The following ZFHX3 variants were observed in gnomAD, a reference collection of about 807,000 sequenced individuals.
The protein encoded by ZFHX3 is zinc finger homeobox protein 3.
A neutral mutation model predicts 279.1 loss-of-function variants in ZFHX3; 42 were observed. That is an observed-to-expected ratio of 0.15 (90% CI 0.12 to 0.19). ZFHX3 has a LOEUF of 0.19. ZFHX3 is among the 10% of genes least tolerant of loss of function. ZFHX3 has a pLI of 1.00. For missense variants in ZFHX3, 4,981 were observed against 4,754.0 expected (o/e 1.05, Z -1.40); for synonymous variants, 2,293 against 1,957.8 (o/e 1.17, Z -4.52).
At chr16:73,823,359 A>G (rs1488354449) in intron 1 of ZFHX3, among the ~76,000 whole-genome samples, 2 of 152,104 alleles carry the variant, frequency 1.3e-5, no homozygotes, top group East Asian at 1.9e-4. Flanking sequence ...TAGAGACACA[A>G]TGCAATCCCT....
At chr16:73,806,601 G>C (rs530249817) in intron 1 of ZFHX3, among the ~76,000 whole-genome samples, 1 of 152,128 alleles carries the variant, frequency 6.6e-6, no homozygotes, top group South Asian at 2.1e-4. Flanking sequence ...CTGGTTGGTG[G>C]GGGGGGTCAA....
At chr16:73,429,160 A>G (rs2017865633) in intron 3 of ZFHX3, among the ~76,000 whole-genome samples, 1 of 152,024 alleles carries the variant, frequency 6.6e-6, no homozygotes, top group African/African-American at 2.4e-5. Context: ...CAACTCTCCC[A>G]ATCACCCTAC....
chr16:73,770,380 A>G (rs918181564), intron 1 of ZFHX3, among the ~76,000 whole-genome samples: 4 of 152,236 alleles, frequency 2.6e-5, no homozygotes, highest in African/African-American at 9.6e-5. Context: ...TTCACCCACG[A>G]AGACCCATTT....
At chr16:73,734,285 A>G (rs74028445) in intron 1 of ZFHX3, among the ~76,000 whole-genome samples, 3,434 of 152,298 alleles carry the variant, frequency 0.023, 173 homozygotes, top group African/African-American at 0.078. Flanking sequence ...AATATCTCAA[A>G]TTGCCAAAGA....
intron 2 of ZFHX3, among the ~76,000 whole-genome samples, chr16:73,603,943 T>G (rs979669032): frequency 6.6e-6 from 1 of 151,844 alleles, no homozygotes; most frequent in African/African-American, 2.4e-5. Flanking sequence ...CATGCCCAGC[T>G]AATTTTTGTA....
intron 1 of ZFHX3, among the ~76,000 whole-genome samples, chr16:72,995,527 AC>A (rs1173720172): frequency 6.6e-6 from 1 of 152,192 alleles, no homozygotes; most frequent in Non-Finnish European, 1.5e-5. Context: ...GATCACAACT[AC>A]AACTACAGCG....
chr16:73,151,033 A>T (rs1332923450), intron 5 of ZFHX3, among the ~76,000 whole-genome samples: 1 of 152,220 alleles, frequency 6.6e-6, no homozygotes, highest in East Asian at 1.9e-4. Context: ...GAATGCTACC[A>T]TGTAGAAGAA....
chr16:73,868,898 A>T lies in ZFHX3; in HGVS notation c.-1608+22753T>A, dbSNP rs141588326. On this transcript the variant is annotated intron_variant, in intron 1 of 17. Transcript: ENST00000641206. ...TCTAAAGGCTTTAAAGCAGCTATTGACCTGCTTTTAAAATAGCATTTTCAT... is the reference window on the plus strand; with the variant it reads ...TCTAAAGGCTTTAAAGCAGCTATTGTCCTGCTTTTAAAATAGCATTTTCAT... Among the ~76,000 whole-genome samples the T allele has an allele frequency of 9.3e-4, 142 of 152,244 alleles. 1 individual carries two copies. The highest frequency in any genetic ancestry group is 3.2e-3 in the African/African-American group (133 of 41,550).
chr16:73,805,931 G>C (rs762770856), intron 1 of ZFHX3, among the ~76,000 whole-genome samples: 1 of 152,186 alleles, frequency 6.6e-6, no homozygotes, highest in South Asian at 2.1e-4. Context: ...TCCATTCTCA[G>C]GCTGCTAATA....
intron 5 of ZFHX3, among the ~76,000 whole-genome samples, chr16:72,828,563 G>A (rs1254677003): frequency 6.6e-6 from 1 of 152,154 alleles, no homozygotes; most frequent in African/African-American, 2.4e-5. Context: ...TCTCCCCTTT[G>A]GGTGGATTTC....
chr16:72,812,177 G>A (rs1036057431), intron 5 of ZFHX3, 139 bp from the exon 6 acceptor site: 52 of 1,221,462 alleles, frequency 4.3e-5, no homozygotes, highest in East Asian at 7.8e-5. Context: ...ATGAACATCC[G>A]GACTGATTTA....
intron 1 of ZFHX3, among the ~76,000 whole-genome samples, chr16:73,789,903 T>C (rs988245889): frequency 4.6e-5 from 7 of 152,178 alleles, no homozygotes; most frequent in African/African-American, 1.7e-4. Flanking sequence ...ACAAGGCCTT[T>C]TTCTCCTACT....
intron 2 of ZFHX3, among the ~76,000 whole-genome samples, chr16:73,523,759 G>A (rs571354947): frequency 4.0e-5 from 6 of 151,242 alleles, no homozygotes; most frequent in South Asian, 2.1e-4. Context: ...CATCTACCTC[G>A]TTCCTGTTCT....
chr16:73,398,856 G>GTT (rs4011545), intron 3 of ZFHX3, among the ~76,000 whole-genome samples: 105,240 of 151,142 alleles, frequency 0.7, 36,829 homozygotes, highest in Non-Finnish European at 0.74. Context: ...AGTGGCAGTG[G>GTT]TTTTTTTTGT....
chr16:73,325,928 A>AAACACACACACACAC (rs368062772), intron 3 of ZFHX3, among the ~76,000 whole-genome samples: 34 of 145,568 alleles, frequency 2.3e-4, no homozygotes, highest in Non-Finnish European at 4.2e-4. Context: ...CACACACACA[A>AAACACACACACACAC]ACACACACAC....
chr16:73,537,112 G>C (rs1240678223), intron 2 of ZFHX3, among the ~76,000 whole-genome samples: 1 of 152,002 alleles, frequency 6.6e-6, no homozygotes, highest in Non-Finnish European at 1.5e-5. Flanking sequence ...ATGACCAATT[G>C]AATTTATTCT....
intron 7 of ZFHX3, chr16:73,123,728 C>G (rs1282282865): frequency 6.6e-6 from 1 of 152,038 alleles, no homozygotes; most frequent in African/African-American, 2.4e-5. Flanking sequence ...ACCTAATCCC[C>G]AATTTAGGGG....
At chr16:73,707,847 G>A (rs909335705) in intron 1 of ZFHX3, among the ~76,000 whole-genome samples, 7 of 152,148 alleles carry the variant, frequency 4.6e-5, no homozygotes, top group African/African-American at 1.7e-4. Flanking sequence ...AGCAGATTCA[G>A]AAGAAGGATT....
chr16:73,792,860 C>A (rs1337343716), intron 1 of ZFHX3, among the ~76,000 whole-genome samples: 2 of 144,422 alleles, frequency 1.4e-5, no homozygotes, highest in African/African-American at 5.3e-5. Flanking sequence ...CAGTGCACCC[C>A]CCCCCTCCCC....
Sources: gnomAD v4.1 joint callset for allele counts (sites outside exome capture counted in the v4.1 genomes callset) on GRCh38, gnomAD v4.1.1 for gene constraint, MANE v1.5 for transcripts, NCBI Gene and HGNC (gene_info 2026-07-23, HGNC 2026-07-21) for gene names.